LRRC8D: variants seen among roughly 807,000 people sequenced by gnomAD.
LRRC8D encodes the protein leucine rich repeat containing 8 VRAC subunit D, also known as volume-regulated anion channel subunit LRRC8D.
Under a neutral mutation model 55.8 loss-of-function variants are expected in LRRC8D, and 20 were observed. That is an observed-to-expected ratio of 0.36 (90% CI 0.25 to 0.52). LRRC8D has a LOEUF of 0.52. Ranked by LOEUF, LRRC8D falls within the 20% of genes least tolerant of loss-of-function variation. The pLI, the probability that LRRC8D is intolerant of heterozygous loss-of-function variation, is 0.93. For missense variants in LRRC8D, 651 were observed against 1,030.8 expected, an observed-to-expected ratio of 0.63 and a Z score of 5.05; for synonymous variants, 352 against 377.0, an observed-to-expected ratio of 0.93 and a Z score of 0.77.
At chr1:89,833,455 G>A (rs1244946975) in intron 1 of LRRC8D, among the ~76,000 whole-genome samples, 2 of 152,176 alleles carry the variant, frequency 1.3e-5, no homozygotes, top group Non-Finnish European at 2.9e-5. Flanking sequence ...TTTACAACTG[G>A]TAGATTTGGT....
At chr1:89,844,521 G>C (rs981785884) in intron 2 of LRRC8D, among the ~76,000 whole-genome samples, 1 of 152,094 alleles carries the variant, frequency 6.6e-6, no homozygotes, top group African/African-American at 2.4e-5. Flanking sequence ...TGAGACAGAA[G>C]GTACTTTAAC....
chr1:89,933,231 T>C lies in LRRC8D; in HGVS notation c.163T>C (p.Leu55=), dbSNP rs1032953561. 3 of 1,614,096 alleles carry C rather than the reference T, an allele frequency of 1.9e-6. No individual in the cohort carries two copies. The highest frequency in any genetic ancestry group is 2.5e-6 in the Non-Finnish European group (3 of 1,180,046). ...MQLTKDQVVC[L]PVLPSPVNSK... is the part of the protein sequence containing the mutation. ...ACTTACCAAAGATCAGGTGGTCTGT[T>C]TGCCAGTATTGCCATCTCCTGTAAA... The change falls in exon 3 of 3, where the codon TTG becomes CTG. Residue 55 remains leucine, a synonymous_variant. Transcript: ENST00000337338. This position sits in a 1 kb window ranked among gnomAD's most constrained non-coding sequence, Gnocchi z 7.0.
chr1:89,867,832 A>G (rs999436789), intron 2 of LRRC8D, among the ~76,000 whole-genome samples: 3 of 152,186 alleles, frequency 2.0e-5, no homozygotes, highest in Non-Finnish European at 4.4e-5. Flanking sequence ...ATAATGTTTT[A>G]CTAGATTCTC....
intron 2 of LRRC8D, among the ~76,000 whole-genome samples, chr1:89,930,374 A>G (rs1663674021): frequency 6.6e-6 from 1 of 152,046 alleles, no homozygotes; most frequent in South Asian, 2.1e-4. Context: ...TTGTATTTTT[A>G]GTAGAGATGG....
At chr1:89,851,984 A>T (rs1313985395) in intron 2 of LRRC8D, among the ~76,000 whole-genome samples, 2 of 145,794 alleles carry the variant, frequency 1.4e-5, no homozygotes, top group East Asian at 4.1e-4. Context: ...AGGATTACGT[A>T]GATAATAGCT....
chr1:89,832,482 TTTGG>T (rs770416447), intron 1 of LRRC8D, among the ~76,000 whole-genome samples: 64 of 152,354 alleles, frequency 4.2e-4, no homozygotes, highest in Non-Finnish European at 7.6e-4. Context: ...TTTCTAATAC[TTTGG>T]TTGCTTTTTA....
chr1:89,907,483 T>C (rs769809828), intron 2 of LRRC8D, among the ~76,000 whole-genome samples: 1 of 152,108 alleles, frequency 6.6e-6, no homozygotes, highest in Admixed American at 6.5e-5. Flanking sequence ...AGCCACCATG[T>C]CCGGCCAGTC....
At chr1:89,904,003 C>T (rs1185873278) in intron 2 of LRRC8D, among the ~76,000 whole-genome samples, 1 of 152,132 alleles carries the variant, frequency 6.6e-6, no homozygotes, top group Non-Finnish European at 1.5e-5. Flanking sequence ...AATTACCATC[C>T]TGGAATCCCC....
At chr1:89,833,730 A>G (rs148935888) in intron 1 of LRRC8D, 48 of 152,362 alleles carry the variant, frequency 3.2e-4, no homozygotes, top group African/African-American at 1.1e-3. Flanking sequence ...GCTGACCAGC[A>G]AGTCCTTTGT....
chr1:89,894,835 G>A (rs897202934), intron 2 of LRRC8D, among the ~76,000 whole-genome samples: 3 of 152,172 alleles, frequency 2.0e-5, no homozygotes, highest in Non-Finnish European at 2.9e-5. Context: ...CATATCTTAC[G>A]GGTGAGTACA....
chr1:89,914,863 C>T (rs926711609), intron 2 of LRRC8D, among the ~76,000 whole-genome samples: 2 of 152,096 alleles, frequency 1.3e-5, no homozygotes, highest in Admixed American at 6.5e-5. Flanking sequence ...TGCACGGGGC[C>T]GTGTCATTTT....
intron 2 of LRRC8D, among the ~76,000 whole-genome samples, chr1:89,891,357 C>T (rs896653387): frequency 2.0e-5 from 3 of 152,160 alleles, no homozygotes; most frequent in African/African-American, 4.8e-5. Context: ...TCAAGATGCA[C>T]GTGATGCTGA....
chr1:89,859,652 A>G (rs1330486019), intron 2 of LRRC8D, among the ~76,000 whole-genome samples: 1 of 152,246 alleles, frequency 6.6e-6, no homozygotes, highest in African/African-American at 2.4e-5. Flanking sequence ...AATGTGAACC[A>G]TAATAACTAC....
At chr1:89,926,076 C>T (rs1329882971) in intron 2 of LRRC8D, among the ~76,000 whole-genome samples, 3 of 152,240 alleles carry the variant, frequency 2.0e-5, no homozygotes, top group Non-Finnish European at 2.9e-5. Flanking sequence ...ATTGTTTTCC[C>T]TCTCCCCACC....
chr1:89,896,483 T>C (rs1332394205), intron 2 of LRRC8D, among the ~76,000 whole-genome samples: 1 of 151,758 alleles, frequency 6.6e-6, no homozygotes, highest in Non-Finnish European at 1.5e-5. Flanking sequence ...TTGCTAAGAG[T>C]AGCTGAGAAA....
At chr1:89,822,310 C>G (rs981122311) in intron 1 of LRRC8D, 1 of 152,588 alleles carries the variant, frequency 6.6e-6, no homozygotes. Context: ...AGAGGGAGGG[C>G]GCACTCAGGA....
intron 2 of LRRC8D, among the ~76,000 whole-genome samples, 154 bp downstream of exon 2, chr1:89,843,936 T>A (rs1002369287): frequency 6.6e-6 from 1 of 152,222 alleles, no homozygotes; most frequent in Admixed American, 6.5e-5. Flanking sequence ...TGCCAAACTC[T>A]GGCTGCTGCC....
intron 1 of LRRC8D, among the ~76,000 whole-genome samples, chr1:89,837,224 C>G (rs1661023115): frequency 6.6e-6 from 1 of 152,196 alleles, no homozygotes; most frequent in African/African-American, 2.4e-5. Flanking sequence ...TTTCATTCTG[C>G]AAATACCTTT....
intron 2 of LRRC8D, among the ~76,000 whole-genome samples, chr1:89,877,913 G>A (rs1267260132): frequency 3.9e-5 from 6 of 152,180 alleles, no homozygotes; most frequent in East Asian, 1.9e-4. Flanking sequence ...ATCTTGAGAC[G>A]TGTCAGAATC....
Sources: allele counts gnomAD v4.1 joint callset (sites outside exome capture counted in the v4.1 genomes callset), GRCh38; gene constraint gnomAD v4.1.1; non-coding constraint Gnocchi (gnomAD v3.1); transcripts MANE v1.5; gene names NCBI Gene and HGNC (gene_info 2026-07-23, HGNC 2026-07-21).